The following CLVS1 variants were observed in gnomAD, a reference collection of about 807,000 sequenced individuals.
The protein encoded by CLVS1 is clavesin-1.
Under a neutral mutation model 33.1 loss-of-function variants are expected in CLVS1, and 10 were observed. That is an observed-to-expected ratio of 0.30 (90% CI 0.19 to 0.51). The LOEUF is 0.51. CLVS1 is among the 20% of genes least tolerant of loss of function. CLVS1 has a pLI of 0.97. For synonymous variants in CLVS1, 163 were observed against 166.1 expected (o/e 0.98, Z 0.14); for missense variants, 343 against 433.4 (o/e 0.79, Z 1.85).
intron 2 of CLVS1, among the ~76,000 whole-genome samples, chr8:61,187,610 C>T (rs1001325142): frequency 1.3e-5 from 2 of 149,114 alleles, no homozygotes; most frequent in Non-Finnish European, 3.0e-5. Context: ...GGATTTTGAA[C>T]CCTGCTTCTC....
chr8:61,340,348 C>T (rs76813617), intron 2 of CLVS1, among the ~76,000 whole-genome samples: 2 of 152,174 alleles, frequency 1.3e-5, no homozygotes, highest in Non-Finnish European at 2.9e-5. Flanking sequence ...AACATCTCCC[C>T]AGTCCTCCAG....
chr8:61,074,978 TC>T lies in CLVS1; in HGVS notation c.-243+17756del, dbSNP rs571601130. ...ACACTTTTGAAATAGAAAATCATCC[TC>T]CCCCCCCTTTTAAATGCTTTTTGAT... On this transcript the variant is annotated intron_variant, in intron 1 of 2. Transcript: ENST00000522621. Among the ~76,000 whole-genome samples, 141 of 151,314 alleles carry T rather than the reference TC, an allele frequency of 9.3e-4. No homozygotes were observed. The Middle Eastern group carries it at 0.014, about 15-fold the overall frequency.
rs368590152 is a variant in CLVS1, at chr8:61,197,513, GTTGT to G, written c.-152+65672_-152+65675del. ...ATTCCTCCAGTTTGTTGTTGTTGTT[GTTGT>G]TTGTTTGTTTGTTTGTTTTTGAGAC... is the stretch of plus-strand genomic sequence containing the variant. On this transcript the variant is annotated intron_variant, in intron 2 of 2. Coordinates refer to the CLVS1 transcript ENST00000522621. Among the ~76,000 whole-genome samples the G allele has an allele frequency of 9.2e-5, 14 of 151,654 alleles. 2 individuals are homozygous for G. The highest frequency in any genetic ancestry group is 2.2e-4 in the African/African-American group (9 of 41,408).
At chr8:61,391,196 AACTCATTCTGT>A (rs1814290598) in intron 3 of CLVS1, 1 of 152,238 alleles carries the variant, frequency 6.6e-6, no homozygotes, top group African/African-American at 2.4e-5. Context: ...TTATTCATTG[AACTCATTCTGT>A]GAGAAATGTC....
intron 2 of CLVS1, among the ~76,000 whole-genome samples, chr8:61,181,801 G>A (rs985110739): frequency 6.8e-6 from 1 of 147,422 alleles, no homozygotes; most frequent in Non-Finnish European, 1.5e-5. Flanking sequence ...CCAGGATCCT[G>A]CCATTCTCCT....
intron 2 of CLVS1, among the ~76,000 whole-genome samples, chr8:61,344,661 A>C (rs533316452): frequency 6.6e-6 from 1 of 152,296 alleles, no homozygotes; most frequent in East Asian, 1.9e-4. Flanking sequence ...CCAAGCATGG[A>C]GCAGAGGACC....
At chr8:61,070,553 G>A (rs1352216955) in intron 1 of CLVS1, among the ~76,000 whole-genome samples, 1 of 152,204 alleles carries the variant, frequency 6.6e-6, no homozygotes, top group Non-Finnish European at 1.5e-5. Context: ...TCAATTCAGA[G>A]GCCTGGCAGG....
intron 3 of CLVS1, among the ~76,000 whole-genome samples, chr8:61,417,951 C>T (rs898659206): frequency 1.3e-5 from 2 of 152,214 alleles, no homozygotes; most frequent in African/African-American, 2.4e-5. Context: ...CCCCTGGTCC[C>T]AGAGCATTTC....
At chr8:61,002,909 A>T in the CLVS1 span, among the ~76,000 whole-genome samples, 3 of 152,224 alleles carry the variant, frequency 2.0e-5, no homozygotes, top group African/African-American at 7.2e-5. Flanking sequence ...GTCTTGGTCT[A>T]GTCTAGCATA....
chr8:61,446,759 A>T (rs1161074263), intron 3 of CLVS1, among the ~76,000 whole-genome samples: 1 of 152,110 alleles, frequency 6.6e-6, no homozygotes, highest in Non-Finnish European at 1.5e-5. Flanking sequence ...GGGAGAAAAA[A>T]ACATTCAAAC....
intron 5 of CLVS1, among the ~76,000 whole-genome samples, chr8:61,476,378 T>C (rs1392163915): frequency 6.6e-6 from 1 of 152,250 alleles, no homozygotes; most frequent in Non-Finnish European, 1.5e-5. Context: ...ATCTGTAAAT[T>C]ACCTTGGGCA....
chr8:61,105,637 A>C (rs1245837896), intron 1 of CLVS1, among the ~76,000 whole-genome samples: 2 of 152,362 alleles, frequency 1.3e-5, no homozygotes, highest in African/African-American at 2.4e-5. Flanking sequence ...ATACTTGTAG[A>C]GACTGTCATT....
intron 2 of CLVS1, among the ~76,000 whole-genome samples, chr8:61,256,500 G>T (rs555736182): frequency 1.3e-5 from 2 of 152,188 alleles, no homozygotes; most frequent in Admixed American, 1.3e-4. Context: ...ATGACAGAGC[G>T]AGACTCCGTC....
At chr8:61,286,016 T>A (rs1196527002), upstream of CLVS1, among the ~76,000 whole-genome samples, 3 of 143,458 alleles carry the variant, frequency 2.1e-5, no homozygotes, top group Non-Finnish European at 4.7e-5. Context: ...TATGATCTAA[T>A]GTGCAGGCCA....
intron 2 of CLVS1, among the ~76,000 whole-genome samples, chr8:61,181,224 C>A (rs1807222561): frequency 6.6e-6 from 1 of 152,104 alleles, no homozygotes; most frequent in Admixed American, 6.6e-5. Flanking sequence ...TGAGTGATCT[C>A]CCATTTACAA....
At chr8:61,148,540 G>A (rs897052953) in intron 2 of CLVS1, among the ~76,000 whole-genome samples, 14 of 152,148 alleles carry the variant, frequency 9.2e-5, no homozygotes, top group Admixed American at 9.2e-4. Flanking sequence ...ATGGATAGAT[G>A]CCATTTTTAG....
chr8:61,039,310 G>A, the CLVS1 span, among the ~76,000 whole-genome samples: 1 of 151,992 alleles, frequency 6.6e-6, no homozygotes, highest in African/African-American at 2.4e-5. Context: ...TTTTAAAAAT[G>A]CTAGCCCAAA....
intron 1 of CLVS1, among the ~76,000 whole-genome samples, chr8:61,081,454 A>G (rs1190238559): frequency 2.6e-5 from 4 of 151,808 alleles, no homozygotes; most frequent in Admixed American, 6.6e-5. Context: ...GTTAAGAGCT[A>G]CAGGGGGTAA....
the CLVS1 span, among the ~76,000 whole-genome samples, chr8:61,013,331 C>T: frequency 6.6e-6 from 1 of 152,232 alleles, no homozygotes; most frequent in African/African-American, 2.4e-5. Flanking sequence ...CTTTGAATGA[C>T]ATGGCTCTGG....
Sources: allele counts gnomAD v4.1 joint callset (sites outside exome capture counted in the v4.1 genomes callset), GRCh38; gene constraint gnomAD v4.1.1; transcripts MANE v1.5; gene names NCBI Gene and HGNC (gene_info 2026-07-23, HGNC 2026-07-21).